ADGRB3: variants seen among roughly 807,000 people sequenced by gnomAD.
ADGRB3 encodes brain-specific angiogenesis inhibitor 3.
In ADGRB3, 37 loss-of-function variants were observed where a neutral mutation model predicts 193.4. The ratio of observed to expected loss-of-function variants is 0.19; its 90% CI spans 0.15 to 0.25. The LOEUF is 0.25. ADGRB3 is among the 10% of genes least tolerant of loss of function. The pLI is 1.00. For missense variants in ADGRB3, 1,637 were observed against 1,852.9 expected (o/e 0.88, Z 2.14); for synonymous variants, 690 against 644.2 (o/e 1.07, Z -1.08).
At chr6:69,027,033 A>G (rs941415683) in intron 13 of ADGRB3, among the ~76,000 whole-genome samples, 3 of 152,182 alleles carry the variant, frequency 2.0e-5, no homozygotes, top group African/African-American at 7.2e-5. Context: ...TTTTTCTCCA[A>G]AAATAAATTA....
At chr6:69,005,766 C>A (rs1346922101) in intron 11 of ADGRB3, among the ~76,000 whole-genome samples, 1 of 152,146 alleles carries the variant, frequency 6.6e-6, no homozygotes, top group Non-Finnish European at 1.5e-5. Flanking sequence ...CTGCTGCAGA[C>A]CCCACTATTG....
intron 3 of ADGRB3, among the ~76,000 whole-genome samples, chr6:68,920,049 C>T (rs1385341992): frequency 6.6e-6 from 1 of 152,038 alleles, no homozygotes; most frequent in East Asian, 1.9e-4. Flanking sequence ...GCATCCAAAA[C>T]AAACGTGGAA....
At chr6:69,246,358 A>T (rs1468282193) in intron 20 of ADGRB3, among the ~76,000 whole-genome samples, 1 of 152,184 alleles carries the variant, frequency 6.6e-6, no homozygotes, top group Non-Finnish European at 1.5e-5. Context: ...AATGATTTGA[A>T]GGTAATAAGC....
chr6:69,297,746 T>C (rs1767860848), intron 20 of ADGRB3, among the ~76,000 whole-genome samples: 1 of 152,064 alleles, frequency 6.6e-6, no homozygotes, highest in African/African-American at 2.4e-5. Context: ...AAAGCACCTA[T>C]AGTTGCACTC....
chr6:68,814,769 A>G (rs1767595115), intron 3 of ADGRB3, among the ~76,000 whole-genome samples: 1 of 123,428 alleles, frequency 8.1e-6, no homozygotes, highest in Non-Finnish European at 1.7e-5. Context: ...CCAGCAGCAC[A>G]TCAAAAAGCT....
chr6:68,873,742 A>G (rs1765519877), intron 3 of ADGRB3, among the ~76,000 whole-genome samples: 1 of 152,118 alleles, frequency 6.6e-6, no homozygotes, highest in African/African-American at 2.4e-5. Context: ...AGTATTGACA[A>G]TATATTCATT....
intron 24 of ADGRB3, 41 bp from the exon 25 acceptor site, chr6:69,338,875 C>T: frequency 6.4e-7 from 1 of 1,560,006 alleles, no homozygotes; most frequent in Non-Finnish European, 8.7e-7. Context: ...GGTGACAATT[C>T]AATATTTTGT....
intron 10 of ADGRB3, among the ~76,000 whole-genome samples, chr6:68,989,041 C>T (rs1769156502): frequency 6.6e-6 from 1 of 152,110 alleles, no homozygotes; most frequent in Admixed American, 6.6e-5. Flanking sequence ...AAAAGCATCT[C>T]TAACAACTGT....
chr6:68,829,848 A>T (rs777451348), intron 3 of ADGRB3, among the ~76,000 whole-genome samples: 4 of 152,180 alleles, frequency 2.6e-5, no homozygotes, highest in Non-Finnish European at 5.9e-5. Context: ...ATTATAATAG[A>T]AAATGCTCTA....
intron 17 of ADGRB3, among the ~76,000 whole-genome samples, chr6:69,122,249 G>A (rs1773726708): frequency 1.3e-5 from 2 of 151,686 alleles, no homozygotes; most frequent in Admixed American, 1.3e-4. Flanking sequence ...AGGAGCCGGA[G>A]ACCAGCCTGG....
intron 17 of ADGRB3, among the ~76,000 whole-genome samples, chr6:69,194,914 C>G (rs1013841095): frequency 7.2e-5 from 11 of 152,060 alleles, no homozygotes; most frequent in African/African-American, 2.7e-4. Context: ...AGAACAATTC[C>G]TGGTATATAG....
At chr6:68,841,344 T>C (rs1307539476) in intron 3 of ADGRB3, among the ~76,000 whole-genome samples, 5 of 152,188 alleles carry the variant, frequency 3.3e-5, no homozygotes, top group African/African-American at 4.8e-5. Flanking sequence ...ATAGACTATA[T>C]GTTAAGCCAC....
At chr6:68,954,798 G>C (rs573870264) in intron 6 of ADGRB3, among the ~76,000 whole-genome samples, 42 of 151,398 alleles carry the variant, frequency 2.8e-4, no homozygotes, top group African/African-American at 9.7e-4. Flanking sequence ...TCCTGCCTCA[G>C]CCTCCCGGAG....
chr6:69,204,838 A>G (rs1352335980), intron 17 of ADGRB3, among the ~76,000 whole-genome samples: 1 of 152,000 alleles, frequency 6.6e-6, no homozygotes, highest in Non-Finnish European at 1.5e-5. Flanking sequence ...ATTGTTGTCA[A>G]TTTATTTTAT....
In ADGRB3 at chr6:68,767,170, T is replaced by C. The variant is rs545961878; in HGVS notation, c.757+127738T>C. Among the ~76,000 whole-genome samples the C allele has an allele frequency of 5.9e-5, 9 of 152,300 alleles. 1 individual carries two copies. In the East Asian group the frequency reaches 1.5e-3, roughly 26 times the overall value. Reference sequence around the variant, plus strand: ...TGTATAAGTATCTTTATATTATTGATATAGAAATAGAGTAGGCCAAATCAA... The same window carrying C: ...TGTATAAGTATCTTTATATTATTGACATAGAAATAGAGTAGGCCAAATCAA... On this transcript the variant is annotated intron_variant, in intron 3 of 31. Coordinates refer to ENST00000370598, the MANE Select transcript of ADGRB3 (RefSeq NM_001704.3).
At chr6:69,073,809 T>C (rs1052018151) in intron 16 of ADGRB3, among the ~76,000 whole-genome samples, 1 of 152,104 alleles carries the variant, frequency 6.6e-6, no homozygotes, top group Admixed American at 6.6e-5. Context: ...ACCTTTTGCC[T>C]CCTTTACCTC....
intron 26 of ADGRB3, among the ~76,000 whole-genome samples, chr6:69,353,564 A>G (rs769243230): frequency 6.6e-6 from 1 of 152,238 alleles, no homozygotes; most frequent in Non-Finnish European, 1.5e-5. Context: ...ATAATGCCAT[A>G]GCAAATAGTA....
intron 17 of ADGRB3, among the ~76,000 whole-genome samples, chr6:69,192,212 A>G (rs1765203740): frequency 6.6e-6 from 1 of 152,186 alleles, no homozygotes; most frequent in African/African-American, 2.4e-5. Context: ...CTCAAAGGTA[A>G]GAAAGCCAAC....
rs75637923 is a variant in ADGRB3 at position 68,823,556 on chromosome 6, A to G, written c.758-107003A>G. 2.4e-3 allele frequency among the ~76,000 whole-genome samples: 365 copies of G among 152,074 alleles called. 1 individual carries two copies. Among genetic ancestry groups the G allele is most frequent in the African/African-American group, 8.4e-3 (349 of 41,514 alleles). Reference sequence around the variant, plus strand: ...ATAAAACATGATAAATACGAATGATATTTTTCTGTCATGGATGTTTTTTCC... The same window carrying G: ...ATAAAACATGATAAATACGAATGATGTTTTTCTGTCATGGATGTTTTTTCC... On this transcript the variant is annotated intron_variant, in intron 3 of 31. Coordinates refer to ENST00000370598, the MANE Select transcript of ADGRB3 (RefSeq NM_001704.3).
Sources: allele counts gnomAD v4.1 joint callset (sites outside exome capture counted in the v4.1 genomes callset), GRCh38; gene constraint gnomAD v4.1.1; transcripts MANE v1.5; gene names NCBI Gene and HGNC (gene_info 2026-07-23, HGNC 2026-07-21).